CCDC33: variants seen among roughly 807,000 people sequenced by gnomAD.
CCDC33 encodes the protein coiled-coil domain-containing protein 33.
CCDC33 carries 94 observed loss-of-function variants against 91.9 expected under a neutral mutation model. That is an observed-to-expected ratio of 1.02 (90% CI 0.87 to 1.21). CCDC33 has a LOEUF of 1.21. CCDC33 is among the 50% of genes most tolerant of loss of function. The pLI, the probability that CCDC33 is intolerant of heterozygous loss-of-function variation, is 0.00. For synonymous variants in CCDC33, 396 were observed against 374.5 expected (o/e 1.06, Z -0.66); for missense variants, 940 against 935.5 (o/e 1.00, Z -0.06).
chr15:74,333,361 C>A, intron 16 of CCDC33: 2 of 1,489,374 alleles, frequency 1.3e-6, no homozygotes, highest in East Asian at 2.4e-5. Context: ...AGGCCCTGCT[C>A]CACCTCTGAA....
chr15:74,274,198 G>A (rs975216166), intron 7 of CCDC33, among the ~76,000 whole-genome samples: 4 of 152,266 alleles, frequency 2.6e-5, no homozygotes, highest in African/African-American at 9.6e-5. Flanking sequence ...CAAGTGTGAG[G>A]TGGAGACAGG....
intron 2 of CCDC33, chr15:74,221,216 G>GTT (rs56039521): frequency 0.037 from 24,975 of 674,224 alleles, 279 homozygotes; most frequent in East Asian, 0.062. Context: ...TGTGGCACTG[G>GTT]TTTTTTTTTT....
At chr15:74,224,277 G>T (rs1334891245) in intron 2 of CCDC33, among the ~76,000 whole-genome samples, 1 of 152,162 alleles carries the variant, frequency 6.6e-6, no homozygotes, top group Non-Finnish European at 1.5e-5. Flanking sequence ...TGATCACCCT[G>T]CAGGCAGCCT....
At chr15:74,291,409 C>T (rs1452071799) in intron 10 of CCDC33, among the ~76,000 whole-genome samples, 1 of 152,232 alleles carries the variant, frequency 6.6e-6, no homozygotes. Context: ...GAATTACTAG[C>T]GATTGGAAGC....
intron 11 of CCDC33, among the ~76,000 whole-genome samples, chr15:74,321,247 T>TTTCA (rs1555421994): frequency 8.9e-4 from 136 of 152,162 alleles, no homozygotes; most frequent in African/African-American, 3.2e-3. Context: ...TTTTATCTTA[T>TTTCA]TTTATTTATT....
intron 1 of CCDC33, chr15:74,207,724 C>T (rs1187163006): frequency 6.5e-7 from 1 of 1,535,698 alleles, no homozygotes; most frequent in African/African-American, 1.4e-5. Flanking sequence ...CTTGAGAGTC[C>T]ATGAATAAGC....
rs982707166 is a variant in CCDC33, at chr15:74,316,333, T to C, written c.1291-13856T>C. ...AGCAGGGCTGGAAGACTGCCATGTC[T>C]GGGGCCAGGCTGAGCTCAGTGCATG... is the stretch of plus-strand genomic sequence containing the variant. On this transcript the variant is annotated intron_variant, in intron 11 of 18. Coordinates refer to ENST00000398814, the MANE Select transcript of CCDC33 (RefSeq NM_025055.5). The surrounding 1 kb of genome is among the most constrained non-coding windows in gnomAD (Gnocchi z 4.7). 6.6e-6 allele frequency among the ~76,000 whole-genome samples: 1 copy of C among 152,224 alleles called. No homozygotes were observed. The highest frequency in any genetic ancestry group is 2.4e-5 in the African/African-American group (1 of 41,476).
chr15:74,282,140 A>G (rs1459249668), intron 10 of CCDC33, among the ~76,000 whole-genome samples: 1 of 152,248 alleles, frequency 6.6e-6, no homozygotes, highest in Non-Finnish European at 1.5e-5. Flanking sequence ...GAGCTAGGAT[A>G]TCAGTTTTCT....
chr15:74,258,910 G>A (rs888352836), intron 2 of CCDC33, among the ~76,000 whole-genome samples: 3 of 152,162 alleles, frequency 2.0e-5, no homozygotes, highest in Admixed American at 6.5e-5. Flanking sequence ...ACACCCTGCT[G>A]GGGTGGGGGC....
rs184341082 is a variant in CCDC33 at position 74,321,379 on chromosome 15, C to A, written c.1291-8810C>A. ...CCCCCAGTTCAAGCGATTCTCCCAC[C>A]TCATCCTCCCAAGTAGCTGGGATTA... On this transcript the variant is annotated intron_variant, in intron 11 of 18. Coordinates refer to ENST00000398814, the MANE Select transcript of CCDC33 (RefSeq NM_025055.5). Among the ~76,000 whole-genome samples, 390 of 151,818 alleles carry A rather than the reference C, an allele frequency of 2.6e-3. 1 individual carries two copies. Among genetic ancestry groups the A allele is most frequent in the Non-Finnish European group, 4.7e-3 (321 of 67,938 alleles).
intron 11 of CCDC33, among the ~76,000 whole-genome samples, chr15:74,306,955 G>C (rs1278337090): frequency 6.6e-6 from 1 of 152,204 alleles, no homozygotes; most frequent in Non-Finnish European, 1.5e-5. Context: ...CTCCTGTGGA[G>C]TGAGGAGCCT....
At chr15:74,235,902 C>T (rs568624539), upstream of CCDC33, among the ~76,000 whole-genome samples, 1 of 152,314 alleles carries the variant, frequency 6.6e-6, no homozygotes. Flanking sequence ...CTTCTCTCCC[C>T]GATCTTCCCA....
chr15:74,247,824 C>A lies in CCDC33; in HGVS notation c.185+3676C>A, dbSNP rs142738960. Among the ~76,000 whole-genome samples the A allele has an allele frequency of 8.9e-4, 136 of 152,274 alleles. 2 individuals are homozygous for A. Among genetic ancestry groups the A allele is most frequent in the African/African-American group, 3.0e-3 (124 of 41,546 alleles). ...GGGCACGGTGGCTCATGCCTGTAATCCCAGCATTTTGGGAGGCCAAGACAG... is the reference window on the plus strand; with the variant it reads ...GGGCACGGTGGCTCATGCCTGTAATACCAGCATTTTGGGAGGCCAAGACAG... On this transcript the variant is annotated intron_variant, in intron 2 of 18. Transcript: ENST00000398814.
Position 74,330,529 on chromosome 15 carries a change from G to A in CCDC33, c.1457-134G>A, listed in dbSNP as rs60631183. On this transcript the variant is annotated intron_variant, in intron 12 of 18. Transcript: ENST00000398814. ...GTCCCTGCCCAGCTGGGTCCTCTCA[G>A]GGATGGGAAACAGAGAATCCAGTCC... 2,878 of 1,079,974 alleles carry A rather than the reference G, an allele frequency of 2.7e-3. 56 individuals are homozygous for A. The African/African-American group carries it at 0.039, about 15-fold the overall frequency. The allele number at this position is 1,079,974 out of a possible 1,614,324, so 66.9% of individuals were successfully genotyped here.
chr15:74,221,188 T>A, intron 2 of CCDC33: 2 of 981,810 alleles, frequency 2.0e-6, no homozygotes, highest in Non-Finnish European at 2.4e-6. Context: ...CACAAGTTGT[T>A]CTCCAGTTTG....
intron 10 of CCDC33, among the ~76,000 whole-genome samples, chr15:74,286,307 C>T (rs116320986): frequency 0.015 from 2,356 of 152,306 alleles, 23 homozygotes; most frequent in Middle Eastern, 0.061. Context: ...CATACACACA[C>T]ACACAGAAAC....
upstream of CCDC33, among the ~76,000 whole-genome samples, chr15:74,232,777 G>A (rs1404352388): frequency 2.0e-5 from 3 of 152,174 alleles, no homozygotes; most frequent in South Asian, 2.1e-4. Flanking sequence ...CTCTTAACGC[G>A]GACAGTGAAG....
intron 11 of CCDC33, among the ~76,000 whole-genome samples, chr15:74,320,996 G>A (rs74768059): frequency 2.0e-5 from 3 of 152,222 alleles, no homozygotes; most frequent in South Asian, 4.2e-4. Context: ...GCATTGGCCC[G>A]TGTGTTTCTG....
intron 2 of CCDC33, among the ~76,000 whole-genome samples, chr15:74,245,213 T>C (rs7175533): frequency 0.063 from 9,608 of 152,198 alleles, 348 homozygotes; most frequent in East Asian, 0.11. Context: ...GCATCCAACA[T>C]AGGCCTGAGC....
Sources: gnomAD v4.1 joint callset for allele counts (sites outside exome capture counted in the v4.1 genomes callset) on GRCh38, gnomAD v4.1.1 for gene constraint, Gnocchi (gnomAD v3.1) non-coding constraint, MANE v1.5 for transcripts, NCBI Gene and HGNC (gene_info 2026-07-23, HGNC 2026-07-21) for gene names.